Variants in POSTN observed in about 807,000 individuals in gnomAD.
POSTN encodes osteoblast specific factor 2 (fasciclin I-like).
Under a neutral mutation model 104.5 loss-of-function variants are expected in POSTN, and 71 were observed. The observed-to-expected ratio is 0.68, with a 90% CI of 0.56 to 0.83. The LOEUF is 0.83. Among genes scored for constraint, POSTN ranks in the 40% least tolerant of loss-of-function variants. The pLI is 0.00. For missense variants in POSTN, 949 were observed against 1,006.8 expected (o/e 0.94, Z 0.78); for synonymous variants, 355 against 340.7 (o/e 1.04, Z -0.46).
At chr13:37,583,841 T>C (rs1950669781) in intron 9 of POSTN, 128 bp downstream of exon 9, 2 of 1,051,000 alleles carry the variant, frequency 1.9e-6, no homozygotes, top group Non-Finnish European at 2.7e-6. Flanking sequence ...TAACACATTG[T>C]ATGTGTAGCC....
chr13:37,570,101 G>A (rs1023513017), intron 19 of POSTN, among the ~76,000 whole-genome samples: 2 of 151,844 alleles, frequency 1.3e-5, no homozygotes, highest in South Asian at 2.1e-4. Context: ...AAGGATTTTC[G>A]GCGAATTTTA....
rs767536933 is a variant in POSTN, at chr13:37,597,209, T to C, written c.193A>G (p.Lys65Glu). 54 of 1,575,232 alleles carry C rather than the reference T, an allele frequency of 3.4e-5. No individual in the cohort carries two copies. The highest frequency in any genetic ancestry group is 4.4e-5 in the Non-Finnish European group (51 of 1,166,612). Residue 65 changes from lysine (K) to glutamate (E), a missense_variant, in exon 2 of 23, where the codon AAA becomes GAA. By Grantham distance (56) the Lys-to-Glu change is moderately conservative (BLOSUM62 1). Coordinates refer to ENST00000379747, the MANE Select transcript of POSTN (RefSeq NM_006475.3). Reference sequence around the variant, plus strand: ...GTTTTCTGTCCACAGATGGACTTTTTATACCAGTTCTTACAAGTGCTGAAG... The same window carrying C: ...GTTTTCTGTCCACAGATGGACTTTTCATACCAGTTCTTACAAGTGCTGAAG... ...KYFSTCKNWY[K>E]KSICGQKTTV...
chr13:37,582,558 A>G, intron 9 of POSTN, 44 bp from the exon 10 acceptor site: 2 of 1,517,524 alleles, frequency 1.3e-6, no homozygotes, highest in Non-Finnish European at 1.8e-6. Flanking sequence ...TTATTTAGAA[A>G]ACATTGAAGT....
intron 10 of POSTN, among the ~76,000 whole-genome samples, chr13:37,581,888 G>A: frequency 6.6e-6 from 1 of 152,114 alleles, no homozygotes; most frequent in East Asian, 1.9e-4. Flanking sequence ...GAAATGTTTT[G>A]AAATGAAAAA....
At chr13:37,583,926 G>T in intron 9 of POSTN, 43 bp downstream of exon 9, 3 of 1,563,660 alleles carry the variant, frequency 1.9e-6, no homozygotes, top group Non-Finnish European at 2.6e-6. Context: ...AAGAAAAAAA[G>T]GTGTGTAGGC....
In POSTN at chr13:37,586,263, C is replaced by T. The variant is rs750527557; in HGVS notation, c.771G>A (p.Ser257=). The change falls in exon 7 of 23, where the codon TCG becomes TCA. Residue 257 remains serine (S), a synonymous_variant. Transcript: ENST00000379747. ...LSSFRAAAIT[S]DILEALGRDG... ...CTCTTCCAAGGGCCTCCAATATGTC[C>T]GATGTGATGGCAGCTGCCTGAAACA... The T allele has an allele frequency of 2.0e-5, 33 of 1,610,418 alleles. No individual in the cohort carries two copies. In the Admixed American group the frequency reaches 2.9e-4, roughly 14 times the overall value.
chr13:37,597,066 A>G, intron 2 of POSTN, 118 bp downstream of exon 2: 1 of 574,642 alleles, frequency 1.7e-6, no homozygotes, highest in Non-Finnish European at 2.9e-6. Context: ...TCTTTAAATA[A>G]CTCTCACAAT....
In POSTN at chr13:37,586,264, G is replaced by A. The variant is rs760604014; in HGVS notation, c.770C>T (p.Ser257Leu). Residue 257 changes from serine to leucine, a missense_variant, in exon 7 of 23, where the codon TCG (serine) becomes TTG (leucine). Coordinates refer to ENST00000379747, the MANE Select transcript of POSTN (RefSeq NM_006475.3). The part of the protein sequence containing the change: ...LSSFRAAAIT[S>L]DILEALGRDG... The stretch of plus-strand genomic sequence containing the variant: ...TCTTCCAAGGGCCTCCAATATGTCC[G>A]ATGTGATGGCAGCTGCCTGAAACAC... 29 of 1,610,512 alleles carry A rather than the reference G, an allele frequency of 1.8e-5. No individual in the cohort carries two copies. Among genetic ancestry groups the A allele is most frequent in the South Asian group, 1.8e-4 (16 of 90,682 alleles).
At chr13:37,583,465 G>T (rs190896666) in intron 9 of POSTN, among the ~76,000 whole-genome samples, 1 of 125,376 alleles carries the variant, frequency 8.0e-6, no homozygotes, top group Admixed American at 9.2e-5. Context: ...TTTTTGAGAC[G>T]GAGTCTCACT....
chr13:37,588,284 T>C (rs1057129143), intron 4 of POSTN, among the ~76,000 whole-genome samples: 1 of 152,118 alleles, frequency 6.6e-6, no homozygotes, highest in African/African-American at 2.4e-5. Flanking sequence ...AAGGGAGATA[T>C]GAAATTATCA....
intron 6 of POSTN, 48 bp downstream of exon 6, chr13:37,586,734 G>A: frequency 6.5e-7 from 1 of 1,531,362 alleles, no homozygotes; most frequent in Non-Finnish European, 8.9e-7. Context: ...TTTGACAGGA[G>A]AAGAAGAGGG....
chr13:37,585,523 C>G (rs1950718677), intron 7 of POSTN, among the ~76,000 whole-genome samples: 1 of 152,140 alleles, frequency 6.6e-6, no homozygotes, highest in Admixed American at 6.6e-5. Context: ...TTCCGGAAGG[C>G]AACTTCTAGA....
Position 37,569,764 on chromosome 13 carries a change from A to G in POSTN, c.2327T>C (p.Leu776Pro). ...CTGACCTTCTTGTAACAATTTCTTC[A>G]GAGTTTCTTCTGTTTCTCCACCTCC... is the stretch of plus-strand genomic sequence containing the variant. ...STGGGETEET[L>P]KKLLQEEVTK... The change falls in exon 20 of 23, where the codon CTG (leucine) becomes CCG (proline). Residue 776 changes from leucine (L) to proline (P), a missense_variant. Leu to Pro is a moderately conservative substitution (Grantham distance 98). Transcript: ENST00000379747. The G allele has an allele frequency of 6.2e-7, 1 of 1,601,972 alleles. No homozygotes were observed. The highest frequency in any genetic ancestry group is 8.5e-7 in the Non-Finnish European group (1 of 1,169,880).
rs1042207153 is a variant in POSTN at position 37,592,043 on chromosome 13, C to A, written c.283+57G>T. 1.2e-5 allele frequency: 15 copies of A among 1,283,900 alleles called. No individual in the cohort carries two copies. The Admixed American group carries it at 2.6e-4, about 22-fold the overall frequency. The allele number at this position is 1,283,900 out of a possible 1,614,324, so 79.5% of individuals were successfully genotyped here. On this transcript the variant is annotated intron_variant, in intron 3 of 22. Coordinates refer to ENST00000379747, the MANE Select transcript of POSTN (RefSeq NM_006475.3). Reference sequence around the variant, plus strand: ...ACACAATTGGCTTCTCCACAAGCCACCTCAACCCTTTCTTTGCATATAATT... The same window carrying A: ...ACACAATTGGCTTCTCCACAAGCCAACTCAACCCTTTCTTTGCATATAATT...
rs775347100 is a variant in POSTN at position 37,569,734 on chromosome 13, A to G, written c.2347+10T>C. On this transcript the variant is annotated intron_variant, in intron 20 of 22. Transcript: ENST00000379747. ...TAAAGTCACATTCTTATTTTCCTAG[A>G]AATGCTGACCTTCTTGTAACAATTT... is the stretch of plus-strand genomic sequence containing the variant. 1 of 1,565,258 alleles carries G rather than the reference A, an allele frequency of 6.4e-7. No individual in the cohort carries two copies. The highest frequency in any genetic ancestry group is 1.1e-5 in the South Asian group (1 of 90,006).
intron 2 of POSTN, among the ~76,000 whole-genome samples, chr13:37,593,538 A>G (rs1468347518): frequency 6.6e-6 from 1 of 151,416 alleles, no homozygotes; most frequent in African/African-American, 2.4e-5. Context: ...GATAAATATC[A>G]TGTCAAACAG....
At chr13:37,586,382 C>T (rs1950746157) in intron 6 of POSTN, 102 bp from the exon 7 acceptor site, 1 of 1,218,902 alleles carries the variant, frequency 8.2e-7, no homozygotes, top group Non-Finnish European at 1.1e-6. Flanking sequence ...GATTCCTACA[C>T]TATAGAGGTT....
In POSTN at chr13:37,577,802, AAAAT is replaced by A; in HGVS notation, c.1963-8_1963-5del. On this transcript the variant is annotated splice_polypyrimidine_tract_variant and splice_region_variant and intron_variant, in intron 15 of 22. Coordinates refer to ENST00000379747, the MANE Select transcript of POSTN (RefSeq NM_006475.3). ...TGAAGGTGCTACCACGAACAAACTG[AAAAT>A]AAATGTTTATATTTAGTAACATGAA... 1.2e-6 allele frequency: 2 copies of A among 1,613,540 alleles called. No individual in the cohort carries two copies. Among genetic ancestry groups the A allele is most frequent in the Non-Finnish European group, 1.7e-6 (2 of 1,179,652 alleles).
chr13:37,579,779 C>G, intron 12 of POSTN, 82 bp downstream of exon 12: 1 of 1,465,254 alleles, frequency 6.8e-7, no homozygotes, highest in Non-Finnish European at 9.2e-7. Context: ...ATTTTTAAGG[C>G]AGACATCTGG....
Sources: gnomAD v4.1 joint callset for allele counts (sites outside exome capture counted in the v4.1 genomes callset) on GRCh38, gnomAD v4.1.1 for gene constraint, MANE v1.5 for transcripts, NCBI Gene and HGNC (gene_info 2026-07-23, HGNC 2026-07-21) for gene names.